Variants in TMEM132B observed in about 807,000 individuals in gnomAD.
The protein encoded by TMEM132B is transmembrane protein 132B.
In TMEM132B, 18 loss-of-function variants were observed where a neutral mutation model predicts 90.8. The ratio of observed to expected loss-of-function variants is 0.20; its 90% CI spans 0.14 to 0.29. The LOEUF (loss-of-function observed/expected upper bound fraction) is 0.29. TMEM132B is among the 10% of genes least tolerant of loss of function. TMEM132B has a pLI of 1.00. For synonymous variants in TMEM132B, 504 were observed against 523.3 expected, an observed-to-expected ratio of 0.96 and a Z score of 0.50; for missense variants, 1,096 against 1,326.8, an observed-to-expected ratio of 0.83 and a Z score of 2.70.
chr12:125,357,596 A>T (rs889001166), intron 2 of TMEM132B, among the ~76,000 whole-genome samples: 2 of 152,266 alleles, frequency 1.3e-5, no homozygotes, highest in African/African-American at 4.8e-5. Flanking sequence ...ACAAAAAACA[A>T]TGCCATTAAG....
intron 6 of TMEM132B, among the ~76,000 whole-genome samples, chr12:125,650,368 T>G (rs1886874708): frequency 6.6e-6 from 1 of 152,124 alleles, no homozygotes; most frequent in African/African-American, 2.4e-5. Context: ...CTTAGGTTCC[T>G]CCATCCCACA....
At chr12:125,242,266 C>T (rs1171990726) in intron 1 of TMEM132B, among the ~76,000 whole-genome samples, 1 of 152,176 alleles carries the variant, frequency 6.6e-6, no homozygotes, top group Non-Finnish European at 1.5e-5. Flanking sequence ...CCTCCTGCCT[C>T]AGCCTTCTGA....
chr12:125,232,078 C>T (rs1007151538), intron 1 of TMEM132B, among the ~76,000 whole-genome samples: 1 of 152,248 alleles, frequency 6.6e-6, no homozygotes, highest in African/African-American at 2.4e-5. Context: ...TACACACTTA[C>T]GCATATATAG....
At chr12:125,579,393 G>A (rs919786364) in intron 4 of TMEM132B, among the ~76,000 whole-genome samples, 6 of 149,306 alleles carry the variant, frequency 4.0e-5, no homozygotes, top group Middle Eastern at 3.4e-3. Context: ...ATAGAGTCTC[G>A]CTCTGTGGCC....
At chr12:125,411,367 G>GA (rs1434256567) in intron 2 of TMEM132B, among the ~76,000 whole-genome samples, 4 of 76,480 alleles carry the variant, frequency 5.2e-5, no homozygotes, top group Non-Finnish European at 1.3e-4. Flanking sequence ...TCAGAGGGTG[G>GA]GGGGGGGCCT....
chr12:125,353,103 G>GCA (rs1877643458), intron 2 of TMEM132B, among the ~76,000 whole-genome samples: 1 of 152,134 alleles, frequency 6.6e-6, no homozygotes, highest in Non-Finnish European at 1.5e-5. Context: ...AATGGCCAAG[G>GCA]GATGGCTTCA....
At chr12:125,198,153 C>A (rs576439534) in intron 1 of TMEM132B, among the ~76,000 whole-genome samples, 112 of 152,310 alleles carry the variant, frequency 7.4e-4, no homozygotes, top group Non-Finnish European at 1.3e-3. Context: ...GACACCCAGG[C>A]TTATGATATT....
chr12:125,635,969 C>G (rs1886468927), intron 5 of TMEM132B, among the ~76,000 whole-genome samples: 1 of 152,146 alleles, frequency 6.6e-6, no homozygotes, highest in Non-Finnish European at 1.5e-5. Context: ...TTGCGGTGCT[C>G]TCCCTCCCCC....
chr12:125,360,891 T>G (rs1877937091), intron 2 of TMEM132B, among the ~76,000 whole-genome samples: 1 of 151,810 alleles, frequency 6.6e-6, no homozygotes, highest in South Asian at 2.1e-4. Flanking sequence ...AAATCTCAAC[T>G]CCCCTCCTTA....
intron 4 of TMEM132B, among the ~76,000 whole-genome samples, chr12:125,539,740 CT>C (rs1337845316): frequency 1.6e-4 from 24 of 152,118 alleles, no homozygotes; most frequent in Admixed American, 1.5e-3. Flanking sequence ...TGTCTTCTTT[CT>C]TTTGTTCCTG....
intron 1 of TMEM132B, among the ~76,000 whole-genome samples, chr12:125,287,012 CT>C (rs34506859): frequency 0.11 from 16,244 of 142,386 alleles, 924 homozygotes; most frequent in South Asian, 0.15. Context: ...CAGAATTCCT[CT>C]TTTTTTTTTT....
At chr12:125,652,661 G>A (rs2137052795) in intron 8 of TMEM132B, 29 bp downstream of exon 8, 1 of 1,587,890 alleles carries the variant, frequency 6.3e-7, no homozygotes, top group South Asian at 1.2e-5. Flanking sequence ...CTGCGTCCTT[G>A]GTCAGTGGGG....
intron 5 of TMEM132B, 65 bp from the exon 6 acceptor site, chr12:125,644,011 T>C (rs1045966709): frequency 5.6e-6 from 8 of 1,440,966 alleles, no homozygotes; most frequent in Non-Finnish European, 7.8e-6. Flanking sequence ...GAACTTTCAC[T>C]GTTGTTGTTT....
chr12:125,569,495 G>A (rs1170429991), intron 4 of TMEM132B, among the ~76,000 whole-genome samples: 2 of 152,154 alleles, frequency 1.3e-5, no homozygotes, highest in Admixed American at 1.3e-4. Context: ...CATTTGTGCA[G>A]CTGAGGATGT....
chr12:125,502,500 T>C (rs977556541), intron 3 of TMEM132B, among the ~76,000 whole-genome samples: 3 of 152,210 alleles, frequency 2.0e-5, no homozygotes, highest in Admixed American at 6.5e-5. Context: ...GTACGTATTC[T>C]GGACTGAAGG....
chr12:125,454,311 G>A (rs528604341), intron 3 of TMEM132B, among the ~76,000 whole-genome samples: 1 of 152,176 alleles, frequency 6.6e-6, no homozygotes, highest in South Asian at 2.1e-4. Context: ...TTTCCATTGT[G>A]AACCTATACA....
chr12:125,659,010 C>A lies in TMEM132B; in HGVS notation c.*4300C>A, dbSNP rs1274814240. On this transcript the variant is annotated 3_prime_UTR_variant, in exon 9 of 9. Transcript: ENST00000682704. ...ATATTCTAACCACAGGGTAACACAT[C>A]GTTTTTAACATGAAAATAAACATTT... 1 of 152,056 alleles carries A rather than the reference C, an allele frequency of 6.6e-6. No homozygotes were observed. Among genetic ancestry groups the A allele is most frequent in the East Asian group, 1.9e-4 (1 of 5,196 alleles). 9.4% of individuals were successfully genotyped at this position (152,056 alleles called of 1,614,324 possible). A position where few individuals can be genotyped will look rare whatever the true frequency, so the allele number is the denominator to read the frequency against.
intron 5 of TMEM132B, among the ~76,000 whole-genome samples, chr12:125,635,847 G>A (rs537747923): frequency 1.2e-4 from 18 of 152,288 alleles, no homozygotes; most frequent in Admixed American, 8.5e-4. Context: ...AATGGCGATC[G>A]TTAAAAAGTT....
At chr12:125,465,482 C>G (rs552998068) in intron 3 of TMEM132B, among the ~76,000 whole-genome samples, 1 of 152,260 alleles carries the variant, frequency 6.6e-6, no homozygotes, top group East Asian at 1.9e-4. Flanking sequence ...AAATGAACTG[C>G]TCAGTGACAA....
Sources: gnomAD v4.1 joint callset for allele counts (sites outside exome capture counted in the v4.1 genomes callset) on GRCh38, gnomAD v4.1.1 for gene constraint, MANE v1.5 for transcripts, NCBI Gene and HGNC (gene_info 2026-07-23, HGNC 2026-07-21) for gene names.